Variants in ADAMTS3 observed in about 807,000 individuals in gnomAD.
The protein encoded by ADAMTS3 is ADAM metallopeptidase with thrombospondin type 1 motif 3, also known as A disintegrin and metalloproteinase with thrombospondin motifs 3.
A neutral mutation model predicts 129.0 loss-of-function variants in ADAMTS3; 73 were observed. The observed-to-expected ratio is 0.57, with a 90% CI of 0.47 to 0.69. The LOEUF (loss-of-function observed/expected upper bound fraction) is 0.69. ADAMTS3 is among the 30% of genes least tolerant of loss of function. ADAMTS3 has a pLI of 0.00. For synonymous variants in ADAMTS3, 477 were observed against 510.8 expected, an observed-to-expected ratio of 0.93 and a Z score of 0.89; for missense variants, 1,457 against 1,514.5, an observed-to-expected ratio of 0.96 and a Z score of 0.63.
chr4:72,324,018 A>G (rs1719634192), intron 5 of ADAMTS3, among the ~76,000 whole-genome samples: 1 of 152,162 alleles, frequency 6.6e-6, no homozygotes, highest in Admixed American at 6.5e-5. Context: ...GCTAGCAGGA[A>G]GGAGAAAGGT....
intron 21 of ADAMTS3, among the ~76,000 whole-genome samples, chr4:72,288,302 GGACA>G (rs1454367065): frequency 6.6e-6 from 1 of 152,136 alleles, no homozygotes; most frequent in Non-Finnish European, 1.5e-5. Context: ...GTTACTCTAT[GGACA>G]GACAGTTATT....
rs750125256 is a variant in ADAMTS3, at chr4:72,548,687, T to C, written c.295A>G (p.Thr99Ala). ...KDFHLRLKPN[T>A]QLVAPGAVVE... The stretch of plus-strand genomic sequence containing the variant: ...ACAGCCCCAGGAGCTACTAGTTGAG[T>C]GTTGGGCTTTAGTCGCAGATGAAAA... The change falls in exon 3 of 22, where the codon ACT becomes GCT. Residue 99 changes from threonine (T) to alanine (A), a missense_variant. Coordinates refer to ENST00000286657, the MANE Select transcript of ADAMTS3 (RefSeq NM_014243.3). The C allele has an allele frequency of 3.1e-6, 5 of 1,613,928 alleles. No individual in the cohort carries two copies. Among genetic ancestry groups the C allele is most frequent in the Non-Finnish European group, 4.2e-6 (5 of 1,179,904 alleles).
At chr4:72,543,490 A>C (rs1230275913) in intron 3 of ADAMTS3, among the ~76,000 whole-genome samples, 2 of 152,194 alleles carry the variant, frequency 1.3e-5, no homozygotes, top group East Asian at 3.8e-4. Flanking sequence ...ATAAATGAAT[A>C]AATAAAATGT....
At chr4:72,426,662 G>A (rs567353124) in intron 3 of ADAMTS3, among the ~76,000 whole-genome samples, 3 of 152,234 alleles carry the variant, frequency 2.0e-5, no homozygotes, top group East Asian at 3.9e-4. Flanking sequence ...CAAGGATGGT[G>A]GATCACTTAA....
rs528093003 is a variant in ADAMTS3 at position 72,348,520 on chromosome 4, C to T, written c.662-8827G>A. On this transcript the variant is annotated intron_variant, in intron 4 of 21. Transcript: ENST00000286657. ...AAGCCGACTTTCTAAAATGGCCCCA[C>T]TAAGATGCCCTGCCCTAGTCCCAAG... is the stretch of plus-strand genomic sequence containing the variant. 4.6e-5 allele frequency among the ~76,000 whole-genome samples: 7 copies of T among 152,134 alleles called. No homozygotes were observed. In the East Asian group the frequency reaches 1.2e-3, roughly 25 times the overall value.
chr4:72,330,110 C>T (rs1013193503), intron 5 of ADAMTS3, among the ~76,000 whole-genome samples: 1 of 152,110 alleles, frequency 6.6e-6, no homozygotes, highest in African/African-American at 2.4e-5. Context: ...CCTCTGCCTC[C>T]TGGGTTCAAG....
chr4:72,475,378 T>C (rs1199562847), intron 3 of ADAMTS3, among the ~76,000 whole-genome samples: 1 of 151,914 alleles, frequency 6.6e-6, no homozygotes, highest in Non-Finnish European at 1.5e-5. Context: ...TTAGATAATG[T>C]AGACTTCAGA....
chr4:72,409,141 A>G (rs757434586), intron 4 of ADAMTS3, among the ~76,000 whole-genome samples: 1 of 152,144 alleles, frequency 6.6e-6, no homozygotes, highest in Non-Finnish European at 1.5e-5. Context: ...GTCAAAATGT[A>G]CTCAAAATTT....
At chr4:72,401,493 G>T (rs555740265) in intron 4 of ADAMTS3, among the ~76,000 whole-genome samples, 3 of 150,490 alleles carry the variant, frequency 2.0e-5, no homozygotes, top group Non-Finnish European at 4.4e-5. Flanking sequence ...CTTGAACTGG[G>T]GGGGTGGAGG....
chr4:72,329,258 T>C (rs2109819457), intron 5 of ADAMTS3, among the ~76,000 whole-genome samples: 1 of 152,090 alleles, frequency 6.6e-6, no homozygotes, highest in South Asian at 2.1e-4. Context: ...AAAACAAATA[T>C]ATGAGTGACA....
In ADAMTS3 at chr4:72,377,663, G is replaced by A. The variant is rs1218656742; in HGVS notation, c.661+37152C>T. Among the ~76,000 whole-genome samples, 8 of 152,150 alleles carry A rather than the reference G, an allele frequency of 5.3e-5. No individual in the cohort carries two copies. In the South Asian group the frequency reaches 1.0e-3, roughly 20 times the overall value. ...TTGCCAAGTGGCATGACATAGTTCC[G>A]TTGCCAGCAACTCTGCCACCTTGGG... is the stretch of plus-strand genomic sequence containing the variant. On this transcript the variant is annotated intron_variant, in intron 4 of 21. Coordinates refer to ENST00000286657, the MANE Select transcript of ADAMTS3 (RefSeq NM_014243.3).
In ADAMTS3 at chr4:72,548,876, T is replaced by G. The variant is rs1721539523; in HGVS notation, c.106A>C (p.Ile36Leu). ...AGCTCATACTCTCTATATCTCTTTA[T>G]TGGTAAATCTGTGGGGTGAAAAACA... Reference protein sequence around the residue: ...NEEMVQIDLPIKRYREYELVT... With the variant: ...NEEMVQIDLPLKRYREYELVT... Residue 36 changes from isoleucine (I) to leucine (L), a missense_variant, in exon 3 of 22, where the codon ATA becomes CTA. Coordinates refer to ENST00000286657, the MANE Select transcript of ADAMTS3 (RefSeq NM_014243.3). The G allele has an allele frequency of 6.2e-7, 1 of 1,603,978 alleles. No homozygotes were observed. The highest frequency in any genetic ancestry group is 8.5e-7 in the Non-Finnish European group (1 of 1,174,198).
chr4:72,440,823 C>T (rs1258411806), intron 3 of ADAMTS3, among the ~76,000 whole-genome samples: 1 of 151,762 alleles, frequency 6.6e-6, no homozygotes, highest in South Asian at 2.1e-4. Context: ...GAGTGAAATA[C>T]ACCTATTCAA....
intron 3 of ADAMTS3, among the ~76,000 whole-genome samples, chr4:72,544,302 T>C (rs561737852): frequency 1.3e-5 from 2 of 152,312 alleles, no homozygotes; most frequent in South Asian, 2.1e-4. Context: ...TTTATTGTTA[T>C]AGAGTGACAA....
intron 4 of ADAMTS3, among the ~76,000 whole-genome samples, chr4:72,366,371 GAAGTTTTC>G (rs1287585303): frequency 6.6e-6 from 1 of 152,134 alleles, no homozygotes; most frequent in East Asian, 1.9e-4. Flanking sequence ...AAGACGATGT[GAAGTTTTC>G]AAATATAATC....
At chr4:72,384,362 G>A (rs565738553) in intron 4 of ADAMTS3, among the ~76,000 whole-genome samples, 127 of 152,262 alleles carry the variant, frequency 8.3e-4, no homozygotes, top group African/African-American at 3.0e-3. Flanking sequence ...CACATGGGCA[G>A]TTTTTAGTCA....
chr4:72,456,689 T>A (rs1466699792), intron 3 of ADAMTS3, among the ~76,000 whole-genome samples: 2 of 151,532 alleles, frequency 1.3e-5, no homozygotes, highest in African/African-American at 4.8e-5. Flanking sequence ...GCATGATCCC[T>A]ACCTTTCCCC....
chr4:72,432,537 C>T (rs1483059219), intron 3 of ADAMTS3, among the ~76,000 whole-genome samples: 7 of 151,944 alleles, frequency 4.6e-5, no homozygotes, highest in Non-Finnish European at 1.0e-4. Flanking sequence ...TGAAACTCCT[C>T]TCAGTTAAAC....
At chr4:72,455,138 G>A (rs893727034) in intron 3 of ADAMTS3, among the ~76,000 whole-genome samples, 1 of 151,530 alleles carries the variant, frequency 6.6e-6, no homozygotes, top group African/African-American at 2.4e-5. Flanking sequence ...GAAAAACTGA[G>A]TTAACTTTTT....
Sources: gnomAD v4.1 joint callset for allele counts (sites outside exome capture counted in the v4.1 genomes callset) on GRCh38, gnomAD v4.1.1 for gene constraint, MANE v1.5 for transcripts, NCBI Gene and HGNC (gene_info 2026-07-23, HGNC 2026-07-21) for gene names.